Variants in FAM149B1 observed in about 807,000 individuals in gnomAD.
The protein encoded by FAM149B1 is family with sequence similarity 149 member B1.
FAM149B1 carries 56 observed loss-of-function variants against 75.3 expected under a neutral mutation model. That is an observed-to-expected ratio of 0.74 (90% CI 0.60 to 0.93). The LOEUF (loss-of-function observed/expected upper bound fraction) is 0.93, where lower values mean the gene tolerates loss of function less well. Ranked by LOEUF, FAM149B1 falls within the 40% of genes least tolerant of loss-of-function variation. The probability of loss-of-function intolerance (pLI) is 0.00; values close to 1 mark genes in which losing one functional copy is unlikely to be tolerated. For missense variants in FAM149B1, 639 were observed against 708.4 expected (o/e 0.90, Z 1.11); for synonymous variants, 259 against 256.1 (o/e 1.01, Z -0.11).
rs376136511 is a variant in FAM149B1, at chr10:73,194,827, G to A, written c.542+1234G>A. ...GCCTCCTGATTAGCTGGGATTACAGGCGCCCAGCACCATGCCCGGCTAATT... is the reference window on the plus strand; with the variant it reads ...GCCTCCTGATTAGCTGGGATTACAGACGCCCAGCACCATGCCCGGCTAATT... On this transcript the variant is annotated intron_variant, in intron 5 of 13. Transcript: ENST00000242505. 7.9e-5 allele frequency among the ~76,000 whole-genome samples: 12 copies of A among 152,020 alleles called. No homozygotes were observed. In the East Asian group the frequency reaches 1.7e-3, roughly 22 times the overall value.
intron 5 of FAM149B1, among the ~76,000 whole-genome samples, chr10:73,195,640 G>GTTCATCCTTTTTAGGACATCTGACTA (rs1165554334): frequency 2.0e-5 from 3 of 152,136 alleles, no homozygotes; most frequent in Non-Finnish European, 4.4e-5. Flanking sequence ...TGAGCAGTTA[G>GTTCATCCTTTTTAGGACATCTGACTA]TTCATCCTTT....
At chr10:73,175,547 G>A (rs186399311) in intron 2 of FAM149B1, among the ~76,000 whole-genome samples, 4 of 151,582 alleles carry the variant, frequency 2.6e-5, no homozygotes, top group Admixed American at 6.6e-5. Flanking sequence ...GTGGGGGCCC[G>A]TAGTCCCAGC....
In FAM149B1 at chr10:73,208,668, A is replaced by G; in HGVS notation, c.592A>G (p.Lys198Glu). 6.5e-7 allele frequency: 1 copy of G among 1,548,230 alleles called. No homozygotes were observed. The highest frequency in any genetic ancestry group is 8.7e-7 in the Non-Finnish European group (1 of 1,144,758). ...ACATTTTTCATCTTCTTATGCTCAT[A>G]AAGCATCTTCCATTGCCAAATCCTC... is the stretch of plus-strand genomic sequence containing the variant. ...KLHFSSSYAH[K>E]ASSIAKSSSF... Residue 198 changes from lysine to glutamate, a missense_variant, in exon 6 of 14, where the codon AAA (lysine) becomes GAA (glutamate). Transcript: ENST00000242505.
chr10:73,236,984 G>A (rs973682331), intron 12 of FAM149B1, among the ~76,000 whole-genome samples: 1 of 152,108 alleles, frequency 6.6e-6, no homozygotes, highest in Non-Finnish European at 1.5e-5. Context: ...AAAGTGCTGG[G>A]ACTACAGGCA....
chr10:73,191,173 T>A (rs555648508), intron 3 of FAM149B1, among the ~76,000 whole-genome samples: 114 of 151,822 alleles, frequency 7.5e-4, no homozygotes, highest in East Asian at 5.2e-3. Flanking sequence ...CCCAAGTAGC[T>A]GGGATTACTG....
intron 1 of FAM149B1, among the ~76,000 whole-genome samples, chr10:73,171,668 G>T (rs1436227028): frequency 7.2e-6 from 1 of 139,686 alleles, no homozygotes; most frequent in African/African-American, 2.7e-5. Context: ...TCACTCTGTC[G>T]CCCAGGCTGG....
intron 7 of FAM149B1, among the ~76,000 whole-genome samples, chr10:73,224,594 C>T (rs1490123695): frequency 6.6e-6 from 1 of 151,554 alleles, no homozygotes; most frequent in Non-Finnish European, 1.5e-5. Context: ...GCCTCAGCCT[C>T]CCGAGTAGCT....
In FAM149B1 at chr10:73,222,534, A is replaced by C. The variant is rs539732189; in HGVS notation, c.899-5526A>C. On this transcript the variant is annotated intron_variant, in intron 7 of 13. Transcript: ENST00000242505. Reference sequence around the variant, plus strand: ...TGCAGATATCATGGGTTCTCTTCCTATTTCTCTTCTTTAAGATACTCTGTT... The same window carrying C: ...TGCAGATATCATGGGTTCTCTTCCTCTTTCTCTTCTTTAAGATACTCTGTT... 4.6e-5 allele frequency among the ~76,000 whole-genome samples: 7 copies of C among 151,360 alleles called. 1 individual carries two copies. In the South Asian group the frequency reaches 1.5e-3, roughly 32 times the overall value.
Position 73,174,781 on chromosome 10 carries a change from A to G in FAM149B1, c.142A>G (p.Ser48Gly), listed in dbSNP as rs1460757117. Residue 48 changes from serine to glycine, a missense_variant, in exon 2 of 14, where the codon AGT (serine) becomes GGT (glycine). Ser to Gly is a moderately conservative substitution (Grantham distance 56). Coordinates refer to ENST00000242505, the MANE Select transcript of FAM149B1 (RefSeq NM_173348.2). ...CAGTGACAGTCATGAGAAAGACACA[A>G]GTTCCCAAAGGTAATAACACAAAGT... ...PTSDSHEKDT[S>G]SQSKSDITRE... The G allele has an allele frequency of 6.5e-7, 1 of 1,546,440 alleles. No homozygotes were observed. The highest frequency in any genetic ancestry group is 2.0e-5 in the Admixed American group (1 of 50,996).
At chr10:73,205,699 G>A (rs1439951436) in intron 5 of FAM149B1, among the ~76,000 whole-genome samples, 4 of 152,020 alleles carry the variant, frequency 2.6e-5, no homozygotes, top group Admixed American at 6.6e-5. Context: ...GACTACAGGT[G>A]TGCACCACTG....
intron 5 of FAM149B1, chr10:73,200,773 G>C: frequency 2.1e-6 from 1 of 468,408 alleles, no homozygotes; most frequent in Non-Finnish European, 4.2e-6. Flanking sequence ...TCAGTGTTGA[G>C]CAGGAGGAAT....
chr10:73,216,742 A>G (rs1398588226), intron 7 of FAM149B1, among the ~76,000 whole-genome samples: 1 of 152,118 alleles, frequency 6.6e-6, no homozygotes, highest in African/African-American at 2.4e-5. Flanking sequence ...ATCAACTCAA[A>G]CTTGGCCCAA....
chr10:73,190,579 T>A (rs960319251), intron 3 of FAM149B1, among the ~76,000 whole-genome samples: 7 of 152,286 alleles, frequency 4.6e-5, no homozygotes. Flanking sequence ...TGAAAATACA[T>A]TATTTTCAAA....
Position 73,241,006 on chromosome 10 carries a change from G to C in FAM149B1, c.1736G>C (p.Arg579Thr). The C allele has an allele frequency of 1.9e-6, 3 of 1,540,220 alleles. No individual in the cohort carries two copies. Among genetic ancestry groups the C allele is most frequent in the Non-Finnish European group, 2.6e-6 (3 of 1,139,216 alleles). Residue 579 changes from arginine to threonine, a missense_variant, in exon 14 of 14, where the codon AGG (arginine) becomes ACG (threonine). By Grantham distance (71) the Arg-to-Thr change is moderately conservative. Coordinates refer to ENST00000242505, the MANE Select transcript of FAM149B1 (RefSeq NM_173348.2). ...QSGGRPVSRT[R>T]QGP ...GGAGGCAGACCAGTCTCTCGAACCA[G>C]GCAGGGACCATAAGGCAAATGAGAA...
intron 7 of FAM149B1, among the ~76,000 whole-genome samples, chr10:73,224,002 T>C (rs894533673): frequency 7.2e-5 from 11 of 152,354 alleles, no homozygotes; most frequent in Admixed American, 2.0e-4. Context: ...TTAATATTTT[T>C]ATTTTTCTGT....
At chr10:73,187,267 G>A (rs1400286724) in intron 3 of FAM149B1, among the ~76,000 whole-genome samples, 1 of 151,676 alleles carries the variant, frequency 6.6e-6, no homozygotes, top group African/African-American at 2.4e-5. Context: ...TTAATAATAT[G>A]GCATTTCTCC....
intron 3 of FAM149B1, among the ~76,000 whole-genome samples, chr10:73,186,222 C>A (rs1169958741): frequency 6.6e-6 from 1 of 151,744 alleles, no homozygotes; most frequent in Non-Finnish European, 1.5e-5. Context: ...GAATAAAGGA[C>A]AAAAATGACA....
intron 10 of FAM149B1, among the ~76,000 whole-genome samples, 188 bp downstream of exon 10, chr10:73,233,351 A>AT (rs1002541145): frequency 1.7e-4 from 26 of 151,994 alleles, no homozygotes; most frequent in African/African-American, 6.3e-4. Context: ...ATTTTATTTT[A>AT]TTTTTTTAGA....
At chr10:73,211,609 G>A (rs181188094) in intron 7 of FAM149B1, among the ~76,000 whole-genome samples, 12 of 152,270 alleles carry the variant, frequency 7.9e-5, no homozygotes, top group Admixed American at 6.5e-4. Context: ...ATTTGAGAAT[G>A]AGTAGATCGA....
Sources: allele counts gnomAD v4.1 joint callset (sites outside exome capture counted in the v4.1 genomes callset), GRCh38; gene constraint gnomAD v4.1.1; transcripts MANE v1.5; gene names NCBI Gene and HGNC (gene_info 2026-07-23, HGNC 2026-07-21).